ABCC1: variants seen among roughly 807,000 people sequenced by gnomAD.
ABCC1 encodes the protein ATP binding cassette subfamily C member 1 (ABCC1 blood group), also known as multidrug resistance-associated protein 1.
A neutral mutation model predicts 172.9 loss-of-function variants in ABCC1; 83 were observed. The ratio of observed to expected loss-of-function variants is 0.48; its 90% CI spans 0.40 to 0.58. The LOEUF (loss-of-function observed/expected upper bound fraction) is 0.58, where lower values mean the gene tolerates loss of function less well. Among genes scored for constraint, ABCC1 ranks in the 20% least tolerant of loss-of-function variants. The probability of loss-of-function intolerance (pLI) is 0.00; values close to 1 mark genes in which losing one functional copy is unlikely to be tolerated. For synonymous variants in ABCC1, 937 were observed against 825.2 expected (o/e 1.14, Z -2.32); for missense variants, 1,817 against 2,002.7 (o/e 0.91, Z 1.77).
At chr16:16,136,374 A>C in intron 28 of ABCC1, 104 bp from the exon 29 acceptor site, 1 of 1,288,160 alleles carries the variant, frequency 7.8e-7, no homozygotes, top group East Asian at 2.4e-5. Context: ...AGGAGCTCTG[A>C]TACCCCACCT....
At chr16:15,990,891 C>A (rs537537436) in intron 1 of ABCC1, among the ~76,000 whole-genome samples, 4 of 150,594 alleles carry the variant, frequency 2.7e-5, no homozygotes, top group African/African-American at 4.9e-5. Context: ...TCTCGACCTC[C>A]TGACCTTGTG....
At chr16:15,956,477 A>C (rs1567272604) in intron 1 of ABCC1, among the ~76,000 whole-genome samples, 1 of 152,048 alleles carries the variant, frequency 6.6e-6, no homozygotes, top group Non-Finnish European at 1.5e-5. Flanking sequence ...GAACATAAGC[A>C]GTTGATAACA....
At chr16:16,096,375 A>G (rs2051482314) in intron 19 of ABCC1, among the ~76,000 whole-genome samples, 1 of 152,012 alleles carries the variant, frequency 6.6e-6, no homozygotes, top group African/African-American at 2.4e-5. Context: ...TTGAGAGTAT[A>G]TCTTAGAGTT....
chr16:16,064,708 T>G (rs1000864621), intron 12 of ABCC1, among the ~76,000 whole-genome samples: 4 of 152,156 alleles, frequency 2.6e-5, no homozygotes, highest in Non-Finnish European at 4.4e-5. Context: ...TCCCCACCCA[T>G]TTATCCACTC....
intron 21 of ABCC1, among the ~76,000 whole-genome samples, chr16:16,108,259 T>A (rs1015007940): frequency 2.3e-5 from 3 of 132,632 alleles, no homozygotes; most frequent in African/African-American, 8.5e-5. Flanking sequence ...AACACGCTTA[T>A]CGTTTCTTTG....
chr16:16,025,599 T>G, intron 5 of ABCC1, among the ~76,000 whole-genome samples: 1 of 152,200 alleles, frequency 6.6e-6, no homozygotes, highest in East Asian at 1.9e-4. Context: ...AACTAAAAGC[T>G]GAGAGTGTTT....
intron 1 of ABCC1, among the ~76,000 whole-genome samples, chr16:15,986,073 T>C (rs1174154922): frequency 6.6e-6 from 1 of 152,064 alleles, no homozygotes; most frequent in Non-Finnish European, 1.5e-5. Flanking sequence ...TAGCTGGGAT[T>C]ACAGGTGCAT....
chr16:16,133,577 T>C (rs1203380155), intron 27 of ABCC1, among the ~76,000 whole-genome samples: 1 of 151,942 alleles, frequency 6.6e-6, no homozygotes, highest in Non-Finnish European at 1.5e-5. Flanking sequence ...CTAATTTTTG[T>C]AGTTTTAGTA....
Position 16,056,082 on chromosome 16 carries a change from C to T in ABCC1, c.1474-10C>T. 3 of 1,613,440 alleles carry T rather than the reference C, an allele frequency of 1.9e-6. No homozygotes were observed. Among genetic ancestry groups the T allele is most frequent in the Non-Finnish European group, 1.7e-6 (2 of 1,179,352 alleles). The stretch of plus-strand genomic sequence containing the variant: ...CGCCCCAGATGTGTTGACTGCCCGT[C>T]TCTTCCAAGGTGGCCCACATGAAGA... On this transcript the variant is annotated splice_polypyrimidine_tract_variant and intron_variant, in intron 11 of 30. Coordinates refer to ENST00000399410, the MANE Select transcript of ABCC1 (RefSeq NM_004996.4).
intron 19 of ABCC1, among the ~76,000 whole-genome samples, chr16:16,101,654 T>C (rs1202422243): frequency 6.6e-6 from 1 of 152,176 alleles, no homozygotes; most frequent in Non-Finnish European, 1.5e-5. Flanking sequence ...TTGTGCTGCT[T>C]TCTCTCCTGG....
chr16:16,032,296 A>G (rs530693568), intron 5 of ABCC1, among the ~76,000 whole-genome samples: 1 of 152,270 alleles, frequency 6.6e-6, no homozygotes, highest in Non-Finnish European at 1.5e-5. Context: ...CAAAACAGGG[A>G]TGATATAATA....
intron 1 of ABCC1, among the ~76,000 whole-genome samples, chr16:15,982,824 A>AAAAAAAAAAAAAAAAAG (rs2046655505): frequency 6.9e-6 from 1 of 144,738 alleles, no homozygotes; most frequent in Non-Finnish European, 1.5e-5. Flanking sequence ...AAAAAAAAAA[A>AAAAAAAAAAAAAAAAAG]GGAAATCCAT....
intron 1 of ABCC1, 71 bp from the exon 2 acceptor site, chr16:16,007,745 T>G: frequency 3.4e-6 from 5 of 1,468,594 alleles, no homozygotes; most frequent in Non-Finnish European, 4.6e-6. Flanking sequence ...GCAGCTGGTT[T>G]CATGCTCCAG....
At chr16:16,130,509 A>G (rs2045630568) in intron 26 of ABCC1, among the ~76,000 whole-genome samples, 1 of 151,712 alleles carries the variant, frequency 6.6e-6, no homozygotes, top group Non-Finnish European at 1.5e-5. Flanking sequence ...TGTAGATTTT[A>G]CAAAATCACT....
At chr16:15,968,018 C>G (rs554172738) in intron 1 of ABCC1, among the ~76,000 whole-genome samples, 34 of 152,178 alleles carry the variant, frequency 2.2e-4, no homozygotes, top group African/African-American at 7.5e-4. Context: ...ATGAAAATCC[C>G]TTCTAGAGAT....
intron 10 of ABCC1, among the ~76,000 whole-genome samples, chr16:16,050,288 G>A (rs1044659202): frequency 1.3e-5 from 2 of 151,996 alleles, no homozygotes; most frequent in Non-Finnish European, 1.5e-5. Context: ...GCAAAACCCC[G>A]TCTCTACTAA....
intron 11 of ABCC1, among the ~76,000 whole-genome samples, chr16:16,055,322 G>T (rs2049600991): frequency 6.6e-6 from 1 of 151,786 alleles, no homozygotes; most frequent in Admixed American, 6.6e-5. Context: ...GTAGGCCGAG[G>T]TTGGATCACT....
chr16:16,059,364 C>A (rs566228431), intron 12 of ABCC1, among the ~76,000 whole-genome samples: 1 of 152,238 alleles, frequency 6.6e-6, no homozygotes, highest in East Asian at 1.9e-4. Context: ...TCTCTTCCAG[C>A]GTAGTGCAAA....
chr16:15,962,732 G>A (rs2046162488), intron 1 of ABCC1, among the ~76,000 whole-genome samples: 1 of 152,288 alleles, frequency 6.6e-6, no homozygotes. Context: ...TGGGGGAACC[G>A]CTCCCATGAT....
Sources: gnomAD v4.1 joint callset for allele counts (sites outside exome capture counted in the v4.1 genomes callset) on GRCh38, gnomAD v4.1.1 for gene constraint, MANE v1.5 for transcripts, NCBI Gene and HGNC (gene_info 2026-07-23, HGNC 2026-07-21) for gene names.